Variants in GLI1 observed in about 807,000 individuals in gnomAD.
GLI1 encodes the protein transcription activator GLI1.
Under a neutral mutation model 87.8 loss-of-function variants are expected in GLI1, and 51 were observed. That is an observed-to-expected ratio of 0.58 (90% CI 0.46 to 0.73). The LOEUF (loss-of-function observed/expected upper bound fraction) is 0.73, where lower values mean the gene tolerates loss of function less well. Ranked by LOEUF, GLI1 falls within the 30% of genes least tolerant of loss-of-function variation. The probability of loss-of-function intolerance (pLI) is 0.00; values close to 1 mark genes in which losing one functional copy is unlikely to be tolerated. For missense variants in GLI1, 1,292 were observed against 1,437.2 expected, an observed-to-expected ratio of 0.90 and a Z score of 1.63; for synonymous variants, 528 against 558.2, an observed-to-expected ratio of 0.95 and a Z score of 0.76.
Position 57,471,497 on chromosome 12 carries a change from C to T in GLI1, c.2757C>T (p.Pro919=), listed in dbSNP as rs780665940. The T allele has an allele frequency of 3.3e-5, 53 of 1,609,646 alleles. No homozygotes were observed. Among genetic ancestry groups the T allele is most frequent in the Non-Finnish European group, 4.2e-5 (49 of 1,178,084 alleles). The change falls in exon 12 of 12, where the codon CCC becomes CCT. Residue 919 remains proline, a synonymous_variant. Coordinates refer to ENST00000228682, the MANE Select transcript of GLI1 (RefSeq NM_005269.3). The surrounding 1 kb of genome is among the most constrained non-coding windows in gnomAD (Gnocchi z 4.9). ...AGGGTGGGGGCAGGGAAGATGCCCC[C>T]GCCCAGGAACCTTCCTACCAGAGTC... ...LWEGGGREDA[P]AQEPSYQSPK... is the part of the protein sequence containing the mutation.
intron 7 of GLI1, 141 bp from the exon 8 acceptor site, chr12:57,466,099 A>G: frequency 9.4e-7 from 1 of 1,059,134 alleles, no homozygotes; most frequent in Non-Finnish European, 1.4e-6. Flanking sequence ...GGAAGACCTG[A>G]GATGTGAGAT....
At position 57,472,041 on chromosome 12, in the gene GLI1, T is replaced by C. The variant is rs2139870782; in HGVS notation, c.3301T>C (p.Phe1101Leu). 1.3e-6 allele frequency: 2 copies of C among 1,499,938 alleles called. No homozygotes were observed. Among genetic ancestry groups the C allele is most frequent in the South Asian group, 1.4e-5 (1 of 73,654 alleles). 92.9% of individuals were successfully genotyped at this position (1,499,938 alleles called of 1,614,324 possible). ...GAGATCCCTACCTGGGGAAACAGAA[T>C]TCCTCAACTCTAGTGCCTAAAGAGT... ...LLRSLPGETE[F>L]LNSSA The change falls in exon 12 of 12, where the codon TTC becomes CTC. Residue 1101 changes from phenylalanine (F) to leucine (L), a missense_variant. Physicochemically the swap from Phe to Leu is conservative, Grantham distance 22. Around this residue, in one of 3 missense-constraint regions of GLI1, gnomAD observed 897 missense variants for 1,040.7 expected, o/e 0.86. Coordinates refer to ENST00000228682, the MANE Select transcript of GLI1 (RefSeq NM_005269.3).
chr12:57,471,611 C>T lies in GLI1; in HGVS notation c.2871C>T (p.Pro957=), dbSNP rs1565603415. Residue 957 remains proline, a synonymous_variant, in exon 12 of 12, where the codon CCC becomes CCT. Transcript: ENST00000228682. This position sits in a 1 kb window ranked among gnomAD's most constrained non-coding sequence, Gnocchi z 4.9. The part of the protein sequence containing the change: ...TYGPGFGPNL[P]NHKSGSYPTP... ...GACCTGGCTTTGGACCCAACTTGCC[C>T]AATCACAAGTCAGGTTCCTATCCCA... 1 of 1,613,846 alleles carries T rather than the reference C, an allele frequency of 6.2e-7. No homozygotes were observed. The highest frequency in any genetic ancestry group is 8.5e-7 in the Non-Finnish European group (1 of 1,179,838).
At position 57,465,216 on chromosome 12, in the gene GLI1, C is replaced by T; in HGVS notation, c.495C>T (p.Ile165=). 1 of 1,613,666 alleles carries T rather than the reference C, an allele frequency of 6.2e-7. No homozygotes were observed. The highest frequency in any genetic ancestry group is 1.1e-5 in the South Asian group (1 of 91,052). ...ATGACTCTGCCCGGGGTGGGATGAT[C>T]CCACATCCTCAGTCCCGGGGACCCT... ...GPHDSARGGM[I]PHPQSRGPFP... Residue 165 remains isoleucine (I), a synonymous_variant, in exon 5 of 12, where the codon ATC becomes ATT. Transcript: ENST00000228682.
intron 8 of GLI1, among the ~76,000 whole-genome samples, chr12:57,466,711 G>A (rs1028324505): frequency 6.6e-6 from 1 of 151,998 alleles, no homozygotes; most frequent in African/African-American, 2.4e-5. Flanking sequence ...AGACCAGCTT[G>A]GCCAATATTG....
At chr12:57,464,606 C>A in intron 3 of GLI1, 67 bp from the exon 4 acceptor site, 1 of 1,140,100 alleles carries the variant, frequency 8.8e-7, no homozygotes, top group East Asian at 2.4e-5. Flanking sequence ...AAGTCAGGAC[C>A]CATAGGTTAG....
intron 1 of GLI1, among the ~76,000 whole-genome samples, chr12:57,462,555 C>T (rs1594741324): frequency 6.6e-6 from 1 of 151,698 alleles, no homozygotes; most frequent in Admixed American, 6.6e-5. Flanking sequence ...CCTTCTTCCT[C>T]GCTACGCTTT....
rs1871835187 is a variant in GLI1, at chr12:57,470,665, C to T, written c.1925C>T (p.Pro642Leu). ...GGGGTCACCCGGAGGGCCAGTGACC[C>T]AGCCCAGGCTGCTGACCGTCCTGCT... ...NAGVTRRASDPAQAADRPAPA... is the reference protein window; with the variant it reads ...NAGVTRRASDLAQAADRPAPA... The change falls in exon 12 of 12, where the codon CCA becomes CTA. Residue 642 changes from proline (P) to leucine (L), a missense_variant. Physicochemically the swap from Pro to Leu is moderately conservative, Grantham distance 98. This residue lies in a region of GLI1 where 897 missense variants were observed against 1,040.7 expected (regional missense o/e 0.86). Coordinates refer to ENST00000228682, the MANE Select transcript of GLI1 (RefSeq NM_005269.3). 6.2e-7 allele frequency: 1 copy of T among 1,613,456 alleles called. No individual in the cohort carries two copies. Among genetic ancestry groups the T allele is most frequent in the Non-Finnish European group, 8.5e-7 (1 of 1,179,742 alleles).
In GLI1 at chr12:57,466,386, C is replaced by T. The variant is rs751462222; in HGVS notation, c.909C>T (p.Cys303=). The T allele has an allele frequency of 6.2e-7, 1 of 1,610,026 alleles. No individual in the cohort carries two copies. ...RRHTGEKPHK[C]TFEGCRKSYS... is the part of the protein sequence containing the mutation. The stretch of plus-strand genomic sequence containing the variant: ...ACACTGGCGAGAAGCCACACAAGTG[C>T]ACGGTGAGGCACCAGTGTCCCAAGT... The change falls in exon 8 of 12, where the codon TGC becomes TGT. Residue 303 remains cysteine, a synonymous_variant. Coordinates refer to ENST00000228682, the MANE Select transcript of GLI1 (RefSeq NM_005269.3).
chr12:57,468,674 C>T (rs898551939), intron 10 of GLI1, among the ~76,000 whole-genome samples: 10 of 152,078 alleles, frequency 6.6e-5, no homozygotes, highest in African/African-American at 2.2e-4. Flanking sequence ...GTTGACCAGG[C>T]TGGTCTCAAA....
At position 57,464,694 on chromosome 12, in the gene GLI1, G is replaced by A. The variant is rs760192848; in HGVS notation, c.215G>A (p.Arg72Gln). Residue 72 changes from arginine (R) to glutamine (Q), a missense_variant, in exon 4 of 12, where the codon CGG becomes CAG. Around this residue, in one of 3 missense-constraint regions of GLI1, gnomAD observed 383 missense variants for 368.4 expected, o/e 1.04. Coordinates refer to ENST00000228682, the MANE Select transcript of GLI1 (RefSeq NM_005269.3). Reference protein sequence around the residue: ...CTEGPLFSSPRSAVKLTKKRA... With the variant: ...CTEGPLFSSPQSAVKLTKKRA... ...CCAGGCCCACTCTTTTCTTCTCCCC[G>A]GAGTGCAGTCAAGTTGACCAAGAAG... is the stretch of plus-strand genomic sequence containing the variant. 18 of 1,613,750 alleles carry A rather than the reference G, an allele frequency of 1.1e-5. No individual in the cohort carries two copies. Among genetic ancestry groups the A allele is most frequent in the South Asian group, 2.2e-5 (2 of 91,078 alleles).
chr12:57,465,388 C>A, intron 5 of GLI1, 133 bp downstream of exon 5: 1 of 835,292 alleles, frequency 1.2e-6, no homozygotes, highest in Non-Finnish European at 1.9e-6. Context: ...GGTGTGGGTG[C>A]TGGGGTTCAC....
Position 57,464,088 on chromosome 12 carries a change from G to T in GLI1, c.190G>T (p.Glu64Ter). ...AGCCAGAGAGACCAACAGCTGCACCGAGGGTGAGGGCTCAGGCAACACCTC... is the reference window on the plus strand; with the variant it reads ...AGCCAGAGAGACCAACAGCTGCACCTAGGGTGAGGGCTCAGGCAACACCTC... ...GPARETNSCT[E>*]GPLFSSPRSA... The change falls in exon 3 of 12, where the codon GAG (glutamate) becomes TAG (stop). Residue 64 changes from glutamate (E) to a stop codon, truncating the protein, a stop_gained. Transcript: ENST00000228682. LOFTEE classifies it high-confidence loss of function. 2 of 1,594,702 alleles carry T rather than the reference G, an allele frequency of 1.3e-6. No individual in the cohort carries two copies. Among genetic ancestry groups the T allele is most frequent in the Non-Finnish European group, 8.6e-7 (1 of 1,162,186 alleles).
At chr12:57,467,185 C>A (rs562637470) in intron 8 of GLI1, 148 bp from the exon 9 acceptor site, 5 of 588,412 alleles carry the variant, frequency 8.5e-6, no homozygotes, top group African/African-American at 5.6e-5. Context: ...CTGCCCTTGT[C>A]CCCTAGTTTT....
intron 1 of GLI1, among the ~76,000 whole-genome samples, chr12:57,461,120 G>A: frequency 6.6e-6 from 1 of 152,140 alleles, no homozygotes; most frequent in Non-Finnish European, 1.5e-5. Flanking sequence ...GAAACAATCA[G>A]CACTGGGCAG....
At chr12:57,463,191 C>A (rs1288834069) in intron 1 of GLI1, among the ~76,000 whole-genome samples, 1 of 152,242 alleles carries the variant, frequency 6.6e-6, no homozygotes, top group Admixed American at 6.5e-5. Context: ...ACATCATTTC[C>A]CCTTACCCCT....
chr12:57,462,545 CCTT>C (rs986507992), intron 1 of GLI1, among the ~76,000 whole-genome samples: 3 of 151,798 alleles, frequency 2.0e-5, no homozygotes, highest in South Asian at 4.1e-4. Flanking sequence ...GACAGCAGCA[CCTT>C]CTTCCTCGCT....
intron 1 of GLI1, among the ~76,000 whole-genome samples, chr12:57,463,202 C>T (rs897048263): frequency 2.0e-5 from 3 of 152,164 alleles, no homozygotes; most frequent in African/African-American, 7.2e-5. Context: ...CCTTACCCCT[C>T]CCCTCACTCA....
rs987341376 is a variant in GLI1, at chr12:57,469,032, G to A, written c.1309-399G>A. Among the ~76,000 whole-genome samples, 15 of 152,288 alleles carry A rather than the reference G, an allele frequency of 9.8e-5. No individual in the cohort carries two copies. In the East Asian group the frequency reaches 2.5e-3, roughly 25 times the overall value. ...CTCCCAAAGTGCTGGGATTACAGGC[G>A]TGAGCCACTGCACCCGGCAACTCTT... On this transcript the variant is annotated intron_variant, in intron 10 of 11. Coordinates refer to ENST00000228682, the MANE Select transcript of GLI1 (RefSeq NM_005269.3).
Sources: gnomAD v4.1 joint callset for allele counts (sites outside exome capture counted in the v4.1 genomes callset) on GRCh38, gnomAD v4.1.1 for gene constraint, gnomAD v4.1.1 regional missense constraint, Gnocchi (gnomAD v3.1) non-coding constraint, MANE v1.5 for transcripts, NCBI Gene and HGNC (gene_info 2026-07-23, HGNC 2026-07-21) for gene names.